Variants in VWA3A observed in about 807,000 individuals in gnomAD.
VWA3A encodes the protein von Willebrand factor A domain containing 3A.
A neutral mutation model predicts 160.4 loss-of-function variants in VWA3A; 134 were observed. That is an observed-to-expected ratio of 0.84 (90% CI 0.73 to 0.96). The LOEUF (loss-of-function observed/expected upper bound fraction) is 0.96, where lower values mean the gene tolerates loss of function less well. VWA3A is among the 40% of genes least tolerant of loss of function. The pLI, the probability that VWA3A is intolerant of heterozygous loss-of-function variation, is 0.00. For synonymous variants in VWA3A, 476 were observed against 543.4 expected (o/e 0.88, Z 1.72); for missense variants, 1,310 against 1,447.9 (o/e 0.90, Z 1.55).
intron 31 of VWA3A, among the ~76,000 whole-genome samples, chr16:22,154,168 G>GTCCTTATTA (rs1200569125): frequency 1.4e-4 from 21 of 151,936 alleles, no homozygotes; most frequent in Non-Finnish European, 2.5e-4. Context: ...TCACCCAAGC[G>GTCCTTATTA]TCCTTATTAC....
intron 21 of VWA3A, among the ~76,000 whole-genome samples, chr16:22,136,897 A>G (rs201644291): frequency 0.012 from 1,433 of 115,540 alleles, 12 homozygotes; most frequent in South Asian, 0.036. Context: ...ACACACACGC[A>G]CACACACACA....
At position 22,108,270 on chromosome 16, in the gene VWA3A, T is replaced by A. The variant is rs76008849; in HGVS notation, c.484-1212T>A. Among the ~76,000 whole-genome samples the A allele has an allele frequency of 2.0e-5, 3 of 152,288 alleles. No individual in the cohort carries two copies. In the East Asian group the frequency reaches 5.8e-4, roughly 29 times the overall value. On this transcript the variant is annotated intron_variant, in intron 6 of 33. Transcript: ENST00000389398. ...AAGATGGGCAATATTATAACCTGTT[T>A]GTATGGTGATGGAAATTGTACAATC...
chr16:22,096,963 ATTTTTTTTT>A lies in VWA3A; in HGVS notation c.101+30_101+38del. 3 of 1,079,060 alleles carry A rather than the reference ATTTTTTTTT, an allele frequency of 2.8e-6. No homozygotes were observed. Among genetic ancestry groups the A allele is most frequent in the Non-Finnish European group, 3.8e-6 (3 of 783,746 alleles). 66.8% of individuals were successfully genotyped at this position (1,079,060 alleles called of 1,614,324 possible). ...AACCATTGGTAAGCATAGTTCTCTG[ATTTTTTTTT>A]TTTTTTTTTTTGAGGCAGATTCTCG... On this transcript the variant is annotated intron_variant, in intron 2 of 33. Transcript: ENST00000389398.
At position 22,155,876 on chromosome 16, in the gene VWA3A, G is replaced by A. The variant is rs775549320; in HGVS notation, c.3529G>A (p.Ala1177Thr). The A allele has an allele frequency of 7.2e-5, 117 of 1,613,870 alleles. No individual in the cohort carries two copies. The highest frequency in any genetic ancestry group is 9.2e-5 in the Non-Finnish European group (108 of 1,179,908). ...ATCCCAACTCCAGAAGAAAAATGAT[G>A]CAGAACCAAAGGTCACTCTTTCCTA... ...FRSQLQKKND[A>T]EPKVTLS Residue 1177 changes from alanine (A) to threonine (T), a missense_variant, in exon 33 of 34, where the codon GCA (alanine) becomes ACA (threonine). Ala to Thr is a moderately conservative substitution (Grantham distance 58). Transcript: ENST00000389398.
chr16:22,111,039 T>G (rs2045545850), intron 8 of VWA3A, 45 bp downstream of exon 8: 1 of 1,508,350 alleles, frequency 6.6e-7, no homozygotes, highest in South Asian at 1.2e-5. Flanking sequence ...TTGTTCATTT[T>G]CCTCCCTAAC....
rs765622165 is a variant in VWA3A, at chr16:22,131,585, G to T, written c.1728G>T (p.Arg576=). Residue 576 remains arginine (R), a splice_region_variant and synonymous_variant, in exon 19 of 34, where the codon CGG becomes CGT. Transcript: ENST00000389398. ...AGCATGGCCATCTCTGCCTCCGCAG[G>T]TGGGCCCTGAACCTGCGGTGTCGGG... The part of the protein sequence containing the change: ...VSHNNLQSAW[R]WALNLRCRGS... The T allele has an allele frequency of 6.2e-7, 1 of 1,611,986 alleles. No individual in the cohort carries two copies. Among genetic ancestry groups the T allele is most frequent in the African/African-American group, 1.3e-5 (1 of 74,906 alleles).
chr16:22,130,643 G>A (rs985656359), intron 17 of VWA3A, among the ~76,000 whole-genome samples: 1 of 152,038 alleles, frequency 6.6e-6, no homozygotes, highest in Non-Finnish European at 1.5e-5. Flanking sequence ...TCACTCCATT[G>A]CCCAGACTGG....
At position 22,109,522 on chromosome 16, in the gene VWA3A, T is replaced by C. The variant is rs2045525197; in HGVS notation, c.524T>C (p.Ile175Thr). 1.1e-5 allele frequency: 18 copies of C among 1,612,904 alleles called. No homozygotes were observed. The highest frequency in any genetic ancestry group is 1.7e-4 in the Middle Eastern group (1 of 6,060). The change falls in exon 7 of 34, where the codon ATA becomes ACA. Residue 175 changes from isoleucine to threonine, a missense_variant. Coordinates refer to ENST00000389398, the MANE Select transcript of VWA3A (RefSeq NM_173615.5). ...AAAGGGGCCAGAGTCAGCATCCTCA[T>C]AGATGTGTCAGCCATCAGCAGTGGC... is the stretch of plus-strand genomic sequence containing the variant. The part of the protein sequence containing the change: ...LIKGARVSIL[I>T]DVSAISSGPQ...
At chr16:22,145,948 A>C (rs1403906896) in intron 26 of VWA3A, among the ~76,000 whole-genome samples, 2 of 151,786 alleles carry the variant, frequency 1.3e-5, no homozygotes, top group African/African-American at 2.4e-5. Context: ...AGCCTCCCCC[A>C]AGCAGCTGGG....
rs142281845 is a variant in VWA3A, at chr16:22,112,737, T to TA, written c.689+1753dup. ...GACCCTGTCTCCAAAAGTAAAAAGT[T>TA]AAAAAAAAAAGCATGTGCTTAGATT... On this transcript the variant is annotated intron_variant, in intron 8 of 33. Transcript: ENST00000389398. Among the ~76,000 whole-genome samples the TA allele has an allele frequency of 2.2e-4, 33 of 148,526 alleles. No homozygotes were observed. In the East Asian group the frequency reaches 2.3e-3, roughly 11 times the overall value.
intron 25 of VWA3A, among the ~76,000 whole-genome samples, chr16:22,143,972 TC>T (rs1246904987): frequency 5.3e-5 from 8 of 151,740 alleles, no homozygotes; most frequent in African/African-American, 1.9e-4. Context: ...ACTCCTGACC[TC>T]AGGAGTTTGA....
intron 11 of VWA3A, among the ~76,000 whole-genome samples, chr16:22,118,414 A>G (rs2045680411): frequency 6.6e-6 from 1 of 152,152 alleles, no homozygotes; most frequent in South Asian, 2.1e-4. Context: ...GGATGGGTGC[A>G]GTGGCTCACA....
chr16:22,133,649 C>CAAAAAA, intron 20 of VWA3A, among the ~76,000 whole-genome samples: 1 of 82,044 alleles, frequency 1.2e-5, no homozygotes, highest in Non-Finnish European at 2.6e-5. Context: ...AACTCTGTCT[C>CAAAAAA]AAAAAAAAAA....
At chr16:22,097,104 T>C (rs1257164276) in intron 2 of VWA3A, among the ~76,000 whole-genome samples, 159 bp downstream of exon 2, 1 of 151,970 alleles carries the variant, frequency 6.6e-6, no homozygotes, top group African/African-American at 2.4e-5. Context: ...TAGCTGGGAC[T>C]ACAGGTGCCC....
At chr16:22,145,211 C>A (rs1182397090) in intron 26 of VWA3A, among the ~76,000 whole-genome samples, 1 of 152,130 alleles carries the variant, frequency 6.6e-6, no homozygotes, top group Non-Finnish European at 1.5e-5. Context: ...TAAAAATAGC[C>A]ACAAAATTCA....
chr16:22,105,407 G>A (rs920377105), intron 6 of VWA3A, among the ~76,000 whole-genome samples: 22 of 152,162 alleles, frequency 1.4e-4, no homozygotes, highest in Admixed American at 1.2e-3. Context: ...CCAGATAATC[G>A]CTGGTCCCTG....
At chr16:22,122,955 T>C (rs1057216076) in intron 14 of VWA3A, 130 bp from the exon 15 acceptor site, 4 of 700,076 alleles carry the variant, frequency 5.7e-6, no homozygotes, top group African/African-American at 5.3e-5. Context: ...TGGGAGGGAG[T>C]TCGATCCGAC....
intron 31 of VWA3A, among the ~76,000 whole-genome samples, chr16:22,154,287 C>G (rs2046397860): frequency 1.3e-5 from 2 of 151,020 alleles, no homozygotes; most frequent in African/African-American, 2.4e-5. Flanking sequence ...GCTACTACTG[C>G]CAGGCAGAAG....
chr16:22,151,002 G>C (rs867650486), intron 30 of VWA3A, among the ~76,000 whole-genome samples, 156 bp downstream of exon 30: 1 of 152,264 alleles, frequency 6.6e-6, no homozygotes, highest in East Asian at 1.9e-4. Context: ...AGAAGCGGCC[G>C]GGCATGCTGG....
Sources: gnomAD v4.1 joint callset for allele counts (sites outside exome capture counted in the v4.1 genomes callset) on GRCh38, gnomAD v4.1.1 for gene constraint, MANE v1.5 for transcripts, NCBI Gene and HGNC (gene_info 2026-07-23, HGNC 2026-07-21) for gene names.